Variants in VNN1 observed in about 807,000 individuals in gnomAD.
VNN1 encodes pantetheinase.
In VNN1, 29 loss-of-function variants were observed where a neutral mutation model predicts 41.9. The observed-to-expected ratio is 0.69, with a 90% confidence interval of 0.52 to 0.94. The LOEUF is 0.94. Ranked by LOEUF, VNN1 falls within the 40% of genes least tolerant of loss-of-function variation. The probability of loss-of-function intolerance (pLI) is 0.00; values close to 1 mark genes in which losing one functional copy is unlikely to be tolerated. For missense variants in VNN1, 637 were observed against 621.1 expected, an observed-to-expected ratio of 1.03 and a Z score of -0.27; for synonymous variants, 233 against 224.4, an observed-to-expected ratio of 1.04 and a Z score of -0.34.
chr6:132,693,484 C>T (rs742516), intron 3 of VNN1, among the ~76,000 whole-genome samples, 169 bp from the exon 4 acceptor site: 72,946 of 152,024 alleles, frequency 0.48, 18,470 homozygotes, highest in African/African-American at 0.62. Context: ...TCTAGCTAAA[C>T]TGGGCCTTTA....
chr6:132,692,895 C>A, intron 4 of VNN1, 129 bp downstream of exon 4: 2 of 1,106,370 alleles, frequency 1.8e-6, no homozygotes, highest in Non-Finnish European at 2.5e-6. Context: ...ATATTAACAG[C>A]TAGATGTTCA....
intron 5 of VNN1, among the ~76,000 whole-genome samples, chr6:132,686,179 G>A (rs1273817128): frequency 6.6e-6 from 1 of 152,228 alleles, no homozygotes; most frequent in Non-Finnish European, 1.5e-5. Context: ...GGGAGCAGTG[G>A]CTCCCACCTG....
rs1249877748 is a variant in VNN1 at position 132,692,179 on chromosome 6, T to C, written c.1188+44A>G. 1.4e-5 allele frequency: 21 copies of C among 1,500,238 alleles called. No homozygotes were observed. In the Admixed American group the frequency reaches 3.4e-4, roughly 24 times the overall value. The allele number at this position is 1,500,238 out of a possible 1,614,324, so 92.9% of individuals were successfully genotyped here. A position where few individuals can be genotyped will look rare whatever the true frequency, so the allele number is the denominator to read the frequency against. ...TATCTAAACTGTATATTTAACTGAG[T>C]GTCTTTATTTTATCCAGTAACTCTT... On this transcript the variant is annotated intron_variant, in intron 5 of 6. Coordinates refer to ENST00000367928, the MANE Select transcript of VNN1 (RefSeq NM_004666.3).
At chr6:132,709,849 A>G (rs1338767117) in intron 2 of VNN1, among the ~76,000 whole-genome samples, 1 of 152,194 alleles carries the variant, frequency 6.6e-6, no homozygotes, top group Non-Finnish European at 1.5e-5. Flanking sequence ...AAATAAGTCA[A>G]TTCAATTCAT....
At chr6:132,688,615 CT>C (rs1778237587) in intron 5 of VNN1, among the ~76,000 whole-genome samples, 1 of 151,976 alleles carries the variant, frequency 6.6e-6, no homozygotes, top group South Asian at 2.1e-4. Flanking sequence ...TTGTGACCAA[CT>C]TTTTTTAACT....
intron 5 of VNN1, among the ~76,000 whole-genome samples, chr6:132,688,060 A>C (rs991033576): frequency 2.6e-5 from 4 of 152,008 alleles, no homozygotes; most frequent in African/African-American, 9.7e-5. Flanking sequence ...GATAATCGAG[A>C]TTTTTCAAGC....
intron 1 of VNN1, among the ~76,000 whole-genome samples, chr6:132,712,679 G>T (rs143531049): frequency 2.0e-5 from 3 of 152,112 alleles, no homozygotes; most frequent in African/African-American, 7.2e-5. Context: ...CCACAAACTG[G>T]TTACTTGAAC....
chr6:132,700,669 A>G (rs1189094974), intron 2 of VNN1, among the ~76,000 whole-genome samples: 3 of 152,178 alleles, frequency 2.0e-5, no homozygotes, highest in Non-Finnish European at 2.9e-5. Flanking sequence ...GATGAAATGG[A>G]CATGCTCCCT....
intron 5 of VNN1, among the ~76,000 whole-genome samples, chr6:132,689,711 A>G (rs1778256188): frequency 1.3e-5 from 2 of 152,190 alleles, no homozygotes; most frequent in Non-Finnish European, 2.9e-5. Flanking sequence ...CCTTTGTCGT[A>G]TCATTCACTG....
At chr6:132,710,224 A>AT (rs1778579540) in intron 2 of VNN1, among the ~76,000 whole-genome samples, 1 of 151,908 alleles carries the variant, frequency 6.6e-6, no homozygotes, top group South Asian at 2.1e-4. Context: ...TAATTTTTGT[A>AT]TTTTTAGTAG....
intron 2 of VNN1, among the ~76,000 whole-genome samples, chr6:132,703,264 T>C (rs1364437924): frequency 2.6e-5 from 4 of 152,228 alleles, no homozygotes; most frequent in African/African-American, 9.6e-5. Context: ...TGGAGTGTTA[T>C]AACTCTGTAA....
chr6:132,709,365 A>G (rs1022367893), intron 2 of VNN1, among the ~76,000 whole-genome samples: 12 of 152,142 alleles, frequency 7.9e-5, no homozygotes, highest in Non-Finnish European at 1.6e-4. Context: ...CTCAAAAAAA[A>G]TTTGCAGAGT....
chr6:132,682,430 G>C lies in VNN1; in HGVS notation c.*710C>G, dbSNP rs148822391. 1.1e-4 allele frequency: 17 copies of C among 153,408 alleles called. No individual in the cohort carries two copies. The highest frequency in any genetic ancestry group is 4.1e-4 in the African/African-American group (17 of 41,596). 9.5% of individuals were successfully genotyped at this position (153,408 alleles called of 1,614,324 possible). The stretch of plus-strand genomic sequence containing the variant: ...ATAGTTTTGGAGGCTGGAAGTCCAA[G>C]ATCAAGGTGTTGGCAGGGTTGGTTT... On this transcript the variant is annotated 3_prime_UTR_variant, in exon 7 of 7. Coordinates refer to ENST00000367928, the MANE Select transcript of VNN1 (RefSeq NM_004666.3).
At chr6:132,685,949 C>G (rs144665879) in intron 5 of VNN1, among the ~76,000 whole-genome samples, 74 of 151,794 alleles carry the variant, frequency 4.9e-4, no homozygotes, top group African/African-American at 1.7e-3. Context: ...CCCCCTCCAC[C>G]CCCACCCACA....
At position 132,683,096 on chromosome 6, in the gene VNN1, AT is replaced by A. The variant is rs1778151383; in HGVS notation, c.*43del. 13 of 1,535,862 alleles carry A rather than the reference AT, an allele frequency of 8.5e-6. No individual in the cohort carries two copies. Among genetic ancestry groups the A allele is most frequent in the Non-Finnish European group, 1.1e-5 (13 of 1,135,702 alleles). On this transcript the variant is annotated 3_prime_UTR_variant, in exon 7 of 7. Transcript: ENST00000367928. ...ACCAATCTTTCTTTTCTCATCCATC[AT>A]TTTTTAAATTATCCCAAATAAAAAA...
intron 5 of VNN1, among the ~76,000 whole-genome samples, chr6:132,685,339 G>T (rs757100708): frequency 2.0e-5 from 3 of 152,260 alleles, no homozygotes; most frequent in Admixed American, 2.0e-4. Context: ...TTCATCTCTT[G>T]CTTGACTAAA....
At chr6:132,693,869 T>C (rs1778328888) in intron 3 of VNN1, 121 bp downstream of exon 3, 9 of 1,162,636 alleles carry the variant, frequency 7.7e-6, no homozygotes, top group Non-Finnish European at 9.8e-6. Context: ...CATTACTTTC[T>C]ATGCTTTGCC....
chr6:132,690,235 C>G (rs574926380), intron 5 of VNN1, among the ~76,000 whole-genome samples: 28 of 152,240 alleles, frequency 1.8e-4, no homozygotes, highest in African/African-American at 3.6e-4. Context: ...CACCAGCTGA[C>G]CATCACCCAC....
At chr6:132,706,899 T>C (rs1778526474) in intron 2 of VNN1, among the ~76,000 whole-genome samples, 1 of 128,638 alleles carries the variant, frequency 7.8e-6, no homozygotes, top group African/African-American at 3.4e-5. Flanking sequence ...CAAACAGGCA[T>C]GTGAAAAGTT....
Sources: gnomAD v4.1 joint callset for allele counts (sites outside exome capture counted in the v4.1 genomes callset) on GRCh38, gnomAD v4.1.1 for gene constraint, MANE v1.5 for transcripts, NCBI Gene and HGNC (gene_info 2026-07-23, HGNC 2026-07-21) for gene names.